The following EFNA5 variants were observed in gnomAD, a reference collection of about 807,000 sequenced individuals.
The protein encoded by EFNA5 is ephrin-A5.
Under a neutral mutation model 22.9 loss-of-function variants are expected in EFNA5, and 5 were observed. The observed-to-expected ratio is 0.22, with a 90% confidence interval of 0.11 to 0.46. The LOEUF is 0.46. Among genes scored for constraint, EFNA5 ranks in the 20% least tolerant of loss-of-function variants. The pLI is 0.99. For synonymous variants in EFNA5, 113 were observed against 112.2 expected (o/e 1.01, Z -0.04); for missense variants, 237 against 293.3 (o/e 0.81, Z 1.40).
intron 1 of EFNA5, among the ~76,000 whole-genome samples, chr5:107,652,413 T>C (rs1322413704): frequency 2.0e-5 from 3 of 152,210 alleles, no homozygotes; most frequent in South Asian, 2.1e-4. Context: ...TTTCTCTCTC[T>C]CTGTCCATAG....
At chr5:107,561,371 TAC>T (rs1228320123) in intron 1 of EFNA5, among the ~76,000 whole-genome samples, 5 of 152,032 alleles carry the variant, frequency 3.3e-5, no homozygotes, top group African/African-American at 1.2e-4. Flanking sequence ...AGGAAAAAAG[TAC>T]ACTTTTTTTT....
At chr5:107,446,474 A>G (rs1749398888) in intron 1 of EFNA5, among the ~76,000 whole-genome samples, 1 of 152,132 alleles carries the variant, frequency 6.6e-6, no homozygotes, top group Non-Finnish European at 1.5e-5. Flanking sequence ...GAAAGGCAGG[A>G]CCTGGTGGCT....
chr5:107,524,853 A>C (rs1747662403), intron 1 of EFNA5, among the ~76,000 whole-genome samples: 1 of 152,194 alleles, frequency 6.6e-6, no homozygotes, highest in African/African-American at 2.4e-5. Context: ...TAGTTGCTTC[A>C]TACTCAGAGT....
chr5:107,600,865 G>A (rs1315679189), intron 1 of EFNA5, among the ~76,000 whole-genome samples: 3 of 152,054 alleles, frequency 2.0e-5, no homozygotes, highest in African/African-American at 4.8e-5. Context: ...ACCTCACCCC[G>A]TGAAAAGCTG....
At chr5:107,569,834 C>CAAA (rs67306022) in intron 1 of EFNA5, among the ~76,000 whole-genome samples, 1 of 86,586 alleles carries the variant, frequency 1.2e-5, no homozygotes, top group Non-Finnish European at 2.6e-5. Context: ...CCTGGGAGAC[C>CAAA]AAAAAAAAAA....
At chr5:107,617,440 G>A (rs73200629) in intron 1 of EFNA5, among the ~76,000 whole-genome samples, 143 of 152,220 alleles carry the variant, frequency 9.4e-4, no homozygotes, top group African/African-American at 3.4e-3. Context: ...TGCCTGTTTT[G>A]GGGAAGTTTG....
chr5:107,585,373 C>T (rs1323481928), intron 1 of EFNA5, among the ~76,000 whole-genome samples: 1 of 152,158 alleles, frequency 6.6e-6, no homozygotes, highest in African/African-American at 2.4e-5. Flanking sequence ...CCCTAAATTT[C>T]TTTCCATTTC....
In EFNA5 at chr5:107,427,201, ATC is replaced by A; in HGVS notation, c.418+14_418+15del. 6.2e-7 allele frequency: 1 copy of A among 1,613,942 alleles called. No homozygotes were observed. The stretch of plus-strand genomic sequence containing the variant: ...TTGCAGCTGCCCTACAACACGATAA[ATC>A]TCTATATACTCACAGATGTAGAAAT... On this transcript the variant is annotated intron_variant, in intron 2 of 4. Transcript: ENST00000333274.
chr5:107,495,356 G>A (rs981359322), intron 1 of EFNA5, among the ~76,000 whole-genome samples: 6 of 151,958 alleles, frequency 3.9e-5, no homozygotes, highest in African/African-American at 1.2e-4. Flanking sequence ...CTGAGCTAGC[G>A]AGACCACGAA....
intron 1 of EFNA5, among the ~76,000 whole-genome samples, chr5:107,472,935 C>T (rs959483975): frequency 6.6e-6 from 1 of 152,140 alleles, no homozygotes; most frequent in Non-Finnish European, 1.5e-5. Context: ...TTGAACAAAC[C>T]TTTGATATTC....
chr5:107,464,274 T>A (rs1749914832), intron 1 of EFNA5, among the ~76,000 whole-genome samples: 1 of 152,020 alleles, frequency 6.6e-6, no homozygotes, highest in Non-Finnish European at 1.5e-5. Context: ...GGTATATGTC[T>A]CAGAATATCC....
chr5:107,452,580 G>A (rs2112447779), intron 1 of EFNA5, among the ~76,000 whole-genome samples: 1 of 151,990 alleles, frequency 6.6e-6, no homozygotes, highest in Non-Finnish European at 1.5e-5. Flanking sequence ...TAAAAAATTA[G>A]CCGGGGGTGG....
At chr5:107,559,205 C>A (rs1748485395) in intron 1 of EFNA5, among the ~76,000 whole-genome samples, 1 of 152,230 alleles carries the variant, frequency 6.6e-6, no homozygotes, top group Non-Finnish European at 1.5e-5. Context: ...CCTCTCCCAC[C>A]ACTCAGCACC....
chr5:107,635,891 T>C lies in EFNA5; in HGVS notation c.125+34598A>G, dbSNP rs530302298. On this transcript the variant is annotated intron_variant, in intron 1 of 4. Coordinates refer to ENST00000333274, the MANE Select transcript of EFNA5 (RefSeq NM_001962.3). ...ACAAGGTCATGCTAGTTCACCCAGA[T>C]TGTGGGCAAATGAAACTTCTCAGGG... Among the ~76,000 whole-genome samples the C allele has an allele frequency of 2.6e-5, 4 of 152,308 alleles. No individual in the cohort carries two copies. The South Asian group carries it at 6.2e-4, about 24-fold the overall frequency.
intron 2 of EFNA5, among the ~76,000 whole-genome samples, chr5:107,402,104 G>A (rs1268379489): frequency 2.0e-5 from 3 of 152,172 alleles, no homozygotes; most frequent in Non-Finnish European, 2.9e-5. Flanking sequence ...TTCACCGACA[G>A]GACTCCTTGG....
chr5:107,420,068 A>AGC, intron 2 of EFNA5, among the ~76,000 whole-genome samples: 3 of 152,324 alleles, frequency 2.0e-5, no homozygotes, highest in East Asian at 3.9e-4. Context: ...AACTGTCCAG[A>AGC]GCAAAACAAT....
chr5:107,467,341 A>T (rs1367770913), intron 1 of EFNA5, among the ~76,000 whole-genome samples: 3 of 152,172 alleles, frequency 2.0e-5, no homozygotes, highest in Non-Finnish European at 2.9e-5. Flanking sequence ...AGAAAAAAAA[A>T]GTCTCACTAT....
At chr5:107,469,954 A>G (rs1366579651) in intron 1 of EFNA5, among the ~76,000 whole-genome samples, 2 of 152,198 alleles carry the variant, frequency 1.3e-5, no homozygotes, top group African/African-American at 4.8e-5. Flanking sequence ...CCAAATTAGG[A>G]GGACATTAAC....
At chr5:107,429,409 G>A (rs988008336) in intron 1 of EFNA5, among the ~76,000 whole-genome samples, 6 of 152,338 alleles carry the variant, frequency 3.9e-5, no homozygotes, top group Middle Eastern at 3.4e-3. Flanking sequence ...TCACGCCACT[G>A]CACTCCAGCC....
Sources: allele counts gnomAD v4.1 joint callset (sites outside exome capture counted in the v4.1 genomes callset), GRCh38; gene constraint gnomAD v4.1.1; transcripts MANE v1.5; gene names NCBI Gene and HGNC (gene_info 2026-07-23, HGNC 2026-07-21).